Variants in ADAMTSL3 observed in about 807,000 individuals in gnomAD.
The protein encoded by ADAMTSL3 is ADAMTS like 3.
ADAMTSL3 carries 128 observed loss-of-function variants against 201.7 expected under a neutral mutation model. The ratio of observed to expected loss-of-function variants is 0.63; its 90% confidence interval spans 0.55 to 0.73. The LOEUF (loss-of-function observed/expected upper bound fraction) is 0.73, where lower values mean the gene tolerates loss of function less well. Ranked by LOEUF, ADAMTSL3 falls within the 30% of genes least tolerant of loss-of-function variation. The pLI, the probability that ADAMTSL3 is intolerant of heterozygous loss-of-function variation, is 0.00. For missense variants in ADAMTSL3, 1,990 were observed against 2,119.6 expected, an observed-to-expected ratio of 0.94 and a Z score of 1.20; for synonymous variants, 738 against 748.4, an observed-to-expected ratio of 0.99 and a Z score of 0.23.
chr15:83,696,235 G>A (rs967211339), intron 2 of ADAMTSL3, among the ~76,000 whole-genome samples: 3 of 152,184 alleles, frequency 2.0e-5, no homozygotes, highest in East Asian at 3.9e-4. Context: ...CTTCCTGGCC[G>A]ATCTTGGTTT....
chr15:83,815,871 C>G (rs2063763456), intron 5 of ADAMTSL3, among the ~76,000 whole-genome samples: 1 of 152,178 alleles, frequency 6.6e-6, no homozygotes, highest in Non-Finnish European at 1.5e-5. Flanking sequence ...TCCTGACCTA[C>G]CTAGTTCAAA....
At chr15:83,731,696 G>A (rs1423173876) in intron 3 of ADAMTSL3, among the ~76,000 whole-genome samples, 2 of 151,856 alleles carry the variant, frequency 1.3e-5, no homozygotes, top group African/African-American at 2.4e-5. Flanking sequence ...AAAATGTGAT[G>A]TACATACATA....
chr15:83,791,596 C>G (rs1002553461), intron 4 of ADAMTSL3, among the ~76,000 whole-genome samples: 5 of 152,144 alleles, frequency 3.3e-5, no homozygotes, highest in Admixed American at 6.5e-5. Flanking sequence ...CAGTGGCTCA[C>G]GCCTGTAATC....
In ADAMTSL3 at chr15:83,842,564, C is replaced by A. The variant is rs190642606; in HGVS notation, c.727+4349C>A. Among the ~76,000 whole-genome samples, 28 of 152,274 alleles carry A rather than the reference C, an allele frequency of 1.8e-4. No individual in the cohort carries two copies. The East Asian group carries it at 5.4e-3, about 30-fold the overall frequency. ...TAAGGGAACTTTGCCCCTTTCAATA[C>A]CTCTTACATACTTTAAGTGTAAATG... On this transcript the variant is annotated intron_variant, in intron 7 of 29. Coordinates refer to ENST00000286744, the MANE Select transcript of ADAMTSL3 (RefSeq NM_207517.3).
At chr15:83,949,992 C>T (rs995647269) in intron 19 of ADAMTSL3, among the ~76,000 whole-genome samples, 5 of 151,768 alleles carry the variant, frequency 3.3e-5, no homozygotes, top group African/African-American at 1.2e-4. Flanking sequence ...TTTTATTTGC[C>T]GTGTAGAAGC....
chr15:83,911,712 G>A (rs920222617), intron 15 of ADAMTSL3, among the ~76,000 whole-genome samples: 6 of 152,200 alleles, frequency 3.9e-5, no homozygotes, highest in African/African-American at 1.4e-4. Context: ...CTGATTGGGG[G>A]TGTGCTTTTT....
chr15:83,984,263 A>G (rs1311579081), intron 21 of ADAMTSL3, among the ~76,000 whole-genome samples: 3 of 152,254 alleles, frequency 2.0e-5, no homozygotes, highest in Admixed American at 2.0e-4. Flanking sequence ...AGCAGATGTG[A>G]AACTGTTTTG....
At chr15:83,659,586 A>G (rs1163654819) in intron 2 of ADAMTSL3, among the ~76,000 whole-genome samples, 1 of 152,118 alleles carries the variant, frequency 6.6e-6, no homozygotes, top group African/African-American at 2.4e-5. Flanking sequence ...GACAGTGTGG[A>G]TGTCCTTGGG....
intron 6 of ADAMTSL3, among the ~76,000 whole-genome samples, chr15:83,830,017 G>C (rs1363706693): frequency 6.6e-6 from 1 of 152,194 alleles, no homozygotes; most frequent in Non-Finnish European, 1.5e-5. Context: ...ATTTGGGATG[G>C]AGAGGAAACA....
intron 2 of ADAMTSL3, among the ~76,000 whole-genome samples, chr15:83,687,013 G>A (rs529880957): frequency 2.0e-5 from 3 of 149,718 alleles, no homozygotes; most frequent in Non-Finnish European, 4.4e-5. Context: ...CAACACAGCA[G>A]GACCCTGTCT....
intron 4 of ADAMTSL3, among the ~76,000 whole-genome samples, chr15:83,793,488 G>GTTT (rs2063375854): frequency 6.6e-6 from 1 of 151,866 alleles, no homozygotes; most frequent in Non-Finnish European, 1.5e-5. Flanking sequence ...TGTTGTTGTT[G>GTTT]TTGTTTGAGA....
chr15:83,667,249 T>C (rs1375445173), intron 2 of ADAMTSL3, among the ~76,000 whole-genome samples: 1 of 152,194 alleles, frequency 6.6e-6, no homozygotes, highest in African/African-American at 2.4e-5. Context: ...ATGCATACTT[T>C]TAAAGTTATT....
chr15:83,686,480 A>G (rs1435065449), intron 2 of ADAMTSL3, among the ~76,000 whole-genome samples: 2 of 152,212 alleles, frequency 1.3e-5, no homozygotes, highest in African/African-American at 2.4e-5. Context: ...GTGCTGTTTT[A>G]TGGCTTCCTG....
intron 19 of ADAMTSL3, among the ~76,000 whole-genome samples, chr15:83,960,594 AG>A (rs2066948757): frequency 6.6e-6 from 1 of 152,162 alleles, no homozygotes. Flanking sequence ...CTCCTTGCCA[AG>A]GAAGGCTGCC....
intron 3 of ADAMTSL3, among the ~76,000 whole-genome samples, chr15:83,762,438 G>A (rs896487736): frequency 2.6e-5 from 4 of 152,164 alleles, no homozygotes; most frequent in Admixed American, 6.5e-5. Context: ...GAACAAAAAT[G>A]TATTCTCTCA....
intron 6 of ADAMTSL3, among the ~76,000 whole-genome samples, chr15:83,827,700 G>A (rs2064056623): frequency 6.6e-6 from 1 of 152,178 alleles, no homozygotes; most frequent in African/African-American, 2.4e-5. Context: ...AAGGTGCAAG[G>A]AAGGGATCCA....
chr15:83,907,307 C>A (rs1403009783), intron 15 of ADAMTSL3, among the ~76,000 whole-genome samples: 1 of 151,974 alleles, frequency 6.6e-6, no homozygotes, highest in Non-Finnish European at 1.5e-5. Context: ...CACACTCAAA[C>A]CTATATAATT....
chr15:83,929,347 G>T (rs2066307532), intron 17 of ADAMTSL3, among the ~76,000 whole-genome samples: 1 of 152,118 alleles, frequency 6.6e-6, no homozygotes. Flanking sequence ...GAGAGCCTTG[G>T]TTCCATGGCT....
intron 23 of ADAMTSL3, 42 bp from the exon 24 acceptor site, chr15:84,014,500 C>G (rs2068055080): frequency 6.3e-7 from 1 of 1,577,264 alleles, no homozygotes; most frequent in African/African-American, 1.4e-5. Flanking sequence ...TGGCCCTGTT[C>G]TTAAAGGAAT....
Sources: gnomAD v4.1 joint callset for allele counts (sites outside exome capture counted in the v4.1 genomes callset) on GRCh38, gnomAD v4.1.1 for gene constraint, MANE v1.5 for transcripts, NCBI Gene and HGNC (gene_info 2026-07-23, HGNC 2026-07-21) for gene names.